The following KIF27 variants were observed in gnomAD, a reference collection of about 807,000 sequenced individuals.
The protein encoded by KIF27 is kinesin-like protein KIF27.
Under a neutral mutation model 141.8 loss-of-function variants are expected in KIF27, and 84 were observed. That is an observed-to-expected ratio of 0.59 (90% CI 0.50 to 0.71). The LOEUF (loss-of-function observed/expected upper bound fraction) is 0.71, where lower values mean the gene tolerates loss of function less well. Ranked by LOEUF, KIF27 falls within the 30% of genes least tolerant of loss-of-function variation. The pLI is 0.00. For missense variants in KIF27, 1,306 were observed against 1,628.4 expected (o/e 0.80, Z 3.41); for synonymous variants, 471 against 569.5 (o/e 0.83, Z 2.46).
chr9:83,861,617 T>C (rs969082601), intron 13 of KIF27, among the ~76,000 whole-genome samples: 2 of 152,090 alleles, frequency 1.3e-5, no homozygotes, highest in Non-Finnish European at 2.9e-5. Context: ...CTTGCTATTG[T>C]GAATAGTGCC....
intron 11 of KIF27, 132 bp downstream of exon 11, chr9:83,880,165 A>G (rs1182738987): frequency 5.2e-6 from 7 of 1,349,672 alleles, no homozygotes; most frequent in Non-Finnish European, 7.2e-6. Context: ...TTTAAAGTGA[A>G]TAAGGACAGC....
rs1255077081 is a variant in KIF27, at chr9:83,903,991, A to G, written c.527T>C (p.Val176Ala). The G allele has an allele frequency of 1.9e-6, 3 of 1,608,418 alleles. No individual in the cohort carries two copies. In the African/African-American group the frequency reaches 4.0e-5, roughly 22 times the overall value. ...ACTCATCACTTCACCTGCACTCTCC[A>G]CATGGCATTCCTTGGCCCCAACAAT... ...TVIVGAKECH[V>A]ESAGEVMSLL... The change falls in exon 4 of 18, where the codon GTG becomes GCG. Residue 176 changes from valine to alanine, a missense_variant. This residue lies in a region of KIF27 where 533 missense variants were observed against 565.6 expected (regional missense o/e 0.94). Transcript: ENST00000297814.
intron 5 of KIF27, among the ~76,000 whole-genome samples, chr9:83,893,746 TA>T (rs1952905769): frequency 6.6e-6 from 1 of 151,890 alleles, no homozygotes; most frequent in South Asian, 2.1e-4. Context: ...AATTAAATAA[TA>T]AAGGGCAGAA....
intron 3 of KIF27, among the ~76,000 whole-genome samples, chr9:83,907,792 C>T (rs1055037484): frequency 6.6e-6 from 1 of 152,198 alleles, no homozygotes; most frequent in African/African-American, 2.4e-5. Context: ...AAGCCACCTC[C>T]AATCTCATGG....
intron 14 of KIF27, chr9:83,854,938 A>G (rs1207227371): frequency 6.6e-6 from 1 of 152,246 alleles, no homozygotes; most frequent in African/African-American, 2.4e-5. Context: ...ATGAAGAAAG[A>G]AGAGAAAAAA....
intron 3 of KIF27, among the ~76,000 whole-genome samples, chr9:83,906,744 C>CAAAAA (rs565683124): frequency 3.6e-4 from 18 of 49,892 alleles, no homozygotes; most frequent in South Asian, 6.8e-4. Flanking sequence ...ACCCTGTCTC[C>CAAAAA]AAAAAAAAAA....
intron 10 of KIF27, among the ~76,000 whole-genome samples, chr9:83,882,191 C>T (rs1259866971): frequency 6.6e-5 from 10 of 152,032 alleles, no homozygotes; most frequent in African/African-American, 2.2e-4. Context: ...GGTGAAACTG[C>T]GTCTCTACTA....
At chr9:83,916,095 G>C (rs953878507) in intron 1 of KIF27, among the ~76,000 whole-genome samples, 21 of 150,586 alleles carry the variant, frequency 1.4e-4, no homozygotes, top group Non-Finnish European at 2.8e-4. Context: ...GCAGTGGTGA[G>C]ATCTCGGCTC....
Position 83,908,624 on chromosome 9 carries a change from G to T in KIF27, c.327C>A (p.Ile109=), listed in dbSNP as rs369123491. The T allele has an allele frequency of 2.5e-6, 4 of 1,610,282 alleles. No homozygotes were observed. The highest frequency in any genetic ancestry group is 3.4e-6 in the Non-Finnish European group (4 of 1,177,934). The change falls in exon 3 of 18, where the codon ATC becomes ATA. Residue 109 remains isoleucine, a synonymous_variant. Transcript: ENST00000297814. The part of the protein sequence containing the change: ...IASVVEGQKG[I]IPRAIQEIFQ... Reference sequence around the variant, plus strand: ...ATATTTCTTGAATAGCTCGAGGAATGATACCCTTTTGGCCCTCCACAACTG... The same window carrying T: ...ATATTTCTTGAATAGCTCGAGGAATTATACCCTTTTGGCCCTCCACAACTG...
chr9:83,903,413 C>G lies in KIF27; in HGVS notation c.1105G>C (p.Ala369Pro), dbSNP rs761820172. 6.2e-7 allele frequency: 1 copy of G among 1,614,018 alleles called. No individual in the cohort carries two copies. The change falls in exon 4 of 18, where the codon GCT (alanine) becomes CCT (proline). Residue 369 changes from alanine to proline, a missense_variant. Coordinates refer to ENST00000297814, the MANE Select transcript of KIF27 (RefSeq NM_017576.4). ...ACACCAGCCTGCTGGCTTTGCAAAG[C>G]TTCTCGAAGCAATTTAATCTCAAAT... Reference protein sequence around the residue: ...MEFEIKLLREALQSQQAGVSQ... With the variant: ...MEFEIKLLREPLQSQQAGVSQ...
At chr9:83,889,670 T>A (rs1952481149) in intron 6 of KIF27, among the ~76,000 whole-genome samples, 1 of 151,374 alleles carries the variant, frequency 6.6e-6, no homozygotes, top group Non-Finnish European at 1.5e-5. Context: ...TCCCCTCCAA[T>A]CCAAATCCTA....
chr9:83,854,632 C>A (rs1020452310), intron 14 of KIF27, among the ~76,000 whole-genome samples: 3 of 152,104 alleles, frequency 2.0e-5, no homozygotes, highest in African/African-American at 7.2e-5. Flanking sequence ...AAGTCTTGGG[C>A]CCAAGCGAAC....
At chr9:83,907,635 C>A (rs13296528) in intron 3 of KIF27, among the ~76,000 whole-genome samples, 7 of 149,452 alleles carry the variant, frequency 4.7e-5, no homozygotes, top group Admixed American at 1.3e-4. Flanking sequence ...AGGAACACAA[C>A]AAAAAAAAAC....
At chr9:83,887,821 C>T (rs1467604105) in intron 8 of KIF27, among the ~76,000 whole-genome samples, 1 of 151,944 alleles carries the variant, frequency 6.6e-6, no homozygotes, top group Admixed American at 6.6e-5. Flanking sequence ...ATTATTTCCA[C>T]ATTTTGAAAT....
At chr9:83,904,047 C>T (rs577293188) in intron 3 of KIF27, 29 bp from the exon 4 acceptor site, 5 of 1,528,206 alleles carry the variant, frequency 3.3e-6, no homozygotes, top group Non-Finnish European at 1.8e-6. Context: ...TGTTTTTAAG[C>T]CAAGTTTTCA....
chr9:83,856,042 C>G lies in KIF27; in HGVS notation c.3151-2207G>C, dbSNP rs1264813061. ...TACGTGGCAATGGGTAAGTAACTATCCTGGGATGAAAAATTTGCCACAATA... is the reference window on the plus strand; with the variant it reads ...TACGTGGCAATGGGTAAGTAACTATGCTGGGATGAAAAATTTGCCACAATA... On this transcript the variant is annotated intron_variant, in intron 14 of 17. Transcript: ENST00000297814. 3.3e-5 allele frequency among the ~76,000 whole-genome samples: 5 copies of G among 152,160 alleles called. No individual in the cohort carries two copies. In the East Asian group the frequency reaches 7.7e-4, roughly 23 times the overall value.
intron 11 of KIF27, among the ~76,000 whole-genome samples, chr9:83,879,771 T>C (rs1357074613): frequency 6.6e-6 from 1 of 152,214 alleles, no homozygotes; most frequent in East Asian, 1.9e-4. Context: ...GAGCTAGGAT[T>C]TGAACCTATG....
chr9:83,865,379 C>T (rs1242393689), intron 13 of KIF27, among the ~76,000 whole-genome samples: 1 of 152,090 alleles, frequency 6.6e-6, no homozygotes, highest in East Asian at 1.9e-4. Flanking sequence ...CTCACTGCAA[C>T]CTCTGCCTCT....
chr9:83,919,632 C>T (rs1345698885), intron 1 of KIF27, among the ~76,000 whole-genome samples: 1 of 151,046 alleles, frequency 6.6e-6, no homozygotes, highest in Non-Finnish European at 1.5e-5. Context: ...CGGTGGTTCA[C>T]ATCTGTAATC....
Sources: gnomAD v4.1 joint callset for allele counts (sites outside exome capture counted in the v4.1 genomes callset) on GRCh38, gnomAD v4.1.1 for gene constraint, gnomAD v4.1.1 regional missense constraint, MANE v1.5 for transcripts, NCBI Gene and HGNC (gene_info 2026-07-23, HGNC 2026-07-21) for gene names.